The following FRMD3 variants were observed in gnomAD, a reference collection of about 807,000 sequenced individuals.
FRMD3 encodes the protein FERM domain-containing protein 3.
A neutral mutation model predicts 70.2 loss-of-function variants in FRMD3; 33 were observed. The observed-to-expected ratio is 0.47, with a 90% CI of 0.36 to 0.63. The LOEUF (loss-of-function observed/expected upper bound fraction) is 0.63. FRMD3 is among the 20% of genes least tolerant of loss of function. FRMD3 has a pLI of 0.00. For synonymous variants in FRMD3, 279 were observed against 255.9 expected (o/e 1.09, Z -0.86); for missense variants, 632 against 711.4 (o/e 0.89, Z 1.27).
At chr9:83,378,511 T>TGA (rs1825227377) in intron 2 of FRMD3, among the ~76,000 whole-genome samples, 1 of 68,066 alleles carries the variant, frequency 1.5e-5, no homozygotes. Context: ...TTTATATATA[T>TGA]AATATACATA....
chr9:83,295,889 A>C (rs574618007), intron 12 of FRMD3, among the ~76,000 whole-genome samples: 1 of 152,320 alleles, frequency 6.6e-6, no homozygotes, highest in East Asian at 1.9e-4. Flanking sequence ...TCAGCATGAA[A>C]ACATCAGAGT....
chr9:83,425,856 G>A (rs868212698), intron 1 of FRMD3, among the ~76,000 whole-genome samples: 12 of 135,380 alleles, frequency 8.9e-5, no homozygotes, highest in Non-Finnish European at 1.5e-4. Flanking sequence ...GCAGTGAGCC[G>A]AGATCATGCC....
intron 1 of FRMD3, among the ~76,000 whole-genome samples, chr9:83,503,665 C>A (rs933723155): frequency 1.3e-5 from 2 of 152,242 alleles, no homozygotes; most frequent in Non-Finnish European, 1.5e-5. Context: ...CCACTGAGTG[C>A]GCAGACATTT....
intron 3 of FRMD3, among the ~76,000 whole-genome samples, chr9:83,369,633 A>C (rs1824907425): frequency 6.6e-6 from 1 of 151,292 alleles, no homozygotes. Context: ...AAATACACAC[A>C]TACAATTAAC....
At chr9:83,327,689 T>C (rs541146629) in intron 6 of FRMD3, among the ~76,000 whole-genome samples, 2 of 152,330 alleles carry the variant, frequency 1.3e-5, no homozygotes, top group South Asian at 4.1e-4. Context: ...AAAGCAGCTA[T>C]GCGTTTCCAC....
intron 3 of FRMD3, among the ~76,000 whole-genome samples, chr9:83,351,549 T>A (rs1431628268): frequency 6.6e-6 from 1 of 152,192 alleles, no homozygotes; most frequent in Non-Finnish European, 1.5e-5. Context: ...TCATTCATCT[T>A]TAATGATATC....
At chr9:83,244,592 C>A, downstream of FRMD3, 1 of 840,886 alleles carries the variant, frequency 1.2e-6, no homozygotes, top group Non-Finnish European at 1.4e-6. Context: ...TACAACTTTA[C>A]TTTAAATAAA....
the FRMD3 span, among the ~76,000 whole-genome samples, chr9:83,548,988 T>C: frequency 7.6e-6 from 1 of 132,128 alleles, no homozygotes; most frequent in Non-Finnish European, 1.7e-5. Flanking sequence ...TGAGGGTACA[T>C]GTGAAAGTTA....
At chr9:83,367,102 G>T (rs367820165) in intron 3 of FRMD3, among the ~76,000 whole-genome samples, 9 of 152,292 alleles carry the variant, frequency 5.9e-5, no homozygotes, top group African/African-American at 2.2e-4. Flanking sequence ...TTCATGAAAA[G>T]CAAGGACTCT....
chr9:83,584,301 C>T, the FRMD3 span, among the ~76,000 whole-genome samples: 1 of 152,030 alleles, frequency 6.6e-6, no homozygotes, highest in Admixed American at 6.5e-5. Context: ...CAGAGCAAGA[C>T]TCCATCTCAA....
intron 1 of FRMD3, among the ~76,000 whole-genome samples, chr9:83,434,381 G>A (rs558548746): frequency 7.2e-5 from 11 of 152,300 alleles, no homozygotes; most frequent in African/African-American, 2.4e-4. Flanking sequence ...TGTGTCACCT[G>A]GGAAAGGCCA....
intron 1 of FRMD3, among the ~76,000 whole-genome samples, chr9:83,418,605 CCATT>C (rs1826526802): frequency 6.6e-6 from 1 of 152,006 alleles, no homozygotes. Flanking sequence ...GCAAGAATGG[CCATT>C]ATTAAAAAGT....
At chr9:83,384,040 T>C (rs1346630497) in intron 2 of FRMD3, among the ~76,000 whole-genome samples, 1 of 152,188 alleles carries the variant, frequency 6.6e-6, no homozygotes, top group African/African-American at 2.4e-5. Context: ...ATATATTCCA[T>C]TTTCAAGTTA....
At chr9:83,581,864 A>G in the FRMD3 span, among the ~76,000 whole-genome samples, 1 of 152,194 alleles carries the variant, frequency 6.6e-6, no homozygotes, top group African/African-American at 2.4e-5. Context: ...TTTTATGTGA[A>G]ATGTCCAAAA....
rs142951197 is a variant in FRMD3, at chr9:83,495,898, T to A, written c.147+42187A>T. ...CAATTTATTATCAAGTCTGAGTATT[T>A]ATTACCATTACCAAAAACATTCTGA... On this transcript the variant is annotated intron_variant, in intron 1 of 13. Coordinates refer to ENST00000304195, the MANE Select transcript of FRMD3 (RefSeq NM_174938.6). Among the ~76,000 whole-genome samples, 352 of 152,378 alleles carry A rather than the reference T, an allele frequency of 2.3e-3. 1 individual carries two copies. Among genetic ancestry groups the A allele is most frequent in the Non-Finnish European group, 4.1e-3 (279 of 68,036 alleles).
intron 3 of FRMD3, among the ~76,000 whole-genome samples, chr9:83,357,256 TATATATATATA>T (rs1824411680): frequency 2.3e-5 from 1 of 43,374 alleles, no homozygotes; most frequent in African/African-American, 1.6e-4. Flanking sequence ...CATATATATA[TATATATATATA>T]TATATATATA....
intron 1 of FRMD3, among the ~76,000 whole-genome samples, chr9:83,527,639 C>G (rs1303848339): frequency 6.6e-6 from 1 of 152,150 alleles, no homozygotes; most frequent in Non-Finnish European, 1.5e-5. Flanking sequence ...TTTCAGGGCC[C>G]TTCCCAAGAC....
intron 12 of FRMD3, among the ~76,000 whole-genome samples, chr9:83,291,847 C>T (rs919755491): frequency 4.6e-5 from 7 of 152,156 alleles, no homozygotes; most frequent in Admixed American, 6.5e-5. Flanking sequence ...TTCCCTAGAC[C>T]GGCTGCAGGA....
chr9:83,480,178 A>G (rs1474720456), intron 1 of FRMD3, among the ~76,000 whole-genome samples: 2 of 152,238 alleles, frequency 1.3e-5, no homozygotes, highest in African/African-American at 4.8e-5. Context: ...AAAATCCTAG[A>G]AACAATCATG....
Sources: gnomAD v4.1 joint callset for allele counts (sites outside exome capture counted in the v4.1 genomes callset) on GRCh38, gnomAD v4.1.1 for gene constraint, MANE v1.5 for transcripts, NCBI Gene and HGNC (gene_info 2026-07-23, HGNC 2026-07-21) for gene names.